GMDS: variants seen among roughly 807,000 people sequenced by gnomAD.
GMDS encodes GDP-mannose 4,6-dehydratase, also known as GDP-mannose 4,6 dehydratase.
Under a neutral mutation model 49.9 loss-of-function variants are expected in GMDS, and 20 were observed. The ratio of observed to expected loss-of-function variants is 0.40; its 90% CI spans 0.28 to 0.58. GMDS has a LOEUF of 0.58. GMDS is among the 20% of genes least tolerant of loss of function. The probability of loss-of-function intolerance (pLI) is 0.42; values close to 1 mark genes in which losing one functional copy is unlikely to be tolerated. For missense variants in GMDS, 362 were observed against 481.4 expected (o/e 0.75, Z 2.32); for synonymous variants, 177 against 178.6 (o/e 0.99, Z 0.07).
intron 1 of GMDS, among the ~76,000 whole-genome samples, chr6:2,170,337 A>C (rs1481537110): frequency 6.6e-6 from 1 of 152,244 alleles, no homozygotes; most frequent in African/African-American, 2.4e-5. Context: ...AAATAGAAGC[A>C]CAATTAGGCC....
At chr6:1,837,955 A>C (rs1311764084) in intron 7 of GMDS, among the ~76,000 whole-genome samples, 2 of 152,194 alleles carry the variant, frequency 1.3e-5, no homozygotes, top group African/African-American at 2.4e-5. Flanking sequence ...AAGTGCTCTG[A>C]AAGGCTTGAC....
intron 7 of GMDS, among the ~76,000 whole-genome samples, chr6:1,839,173 C>T (rs1429103634): frequency 1.3e-5 from 2 of 151,978 alleles, no homozygotes; most frequent in Non-Finnish European, 2.9e-5. Context: ...GTGAGCATGT[C>T]TACATTTGTT....
intron 4 of GMDS, among the ~76,000 whole-genome samples, chr6:2,006,272 A>C (rs995199331): frequency 2.6e-5 from 4 of 151,838 alleles, no homozygotes; most frequent in Admixed American, 2.6e-4. Flanking sequence ...CAATTAAAAA[A>C]AAAAAAATAG....
At chr6:1,865,173 T>C (rs1006197744) in intron 7 of GMDS, among the ~76,000 whole-genome samples, 2 of 152,234 alleles carry the variant, frequency 1.3e-5, no homozygotes, top group Non-Finnish European at 2.9e-5. Flanking sequence ...CTGTAAGAAA[T>C]ATTCCTCAAT....
At chr6:2,072,172 T>G (rs768801220) in intron 4 of GMDS, among the ~76,000 whole-genome samples, 7 of 152,152 alleles carry the variant, frequency 4.6e-5, no homozygotes, top group South Asian at 2.1e-4. Flanking sequence ...CTTTACACAG[T>G]AGGAAATGTA....
intron 1 of GMDS, among the ~76,000 whole-genome samples, chr6:2,125,020 T>C (rs1265990797): frequency 6.6e-6 from 1 of 152,168 alleles, no homozygotes; most frequent in African/African-American, 2.4e-5. Flanking sequence ...CAGAATCAGA[T>C]GGATTTGGGT....
intron 7 of GMDS, among the ~76,000 whole-genome samples, chr6:1,871,572 C>T (rs1758755130): frequency 1.3e-5 from 2 of 152,116 alleles, no homozygotes; most frequent in South Asian, 2.1e-4. Context: ...ACAGAAATTA[C>T]TTTTTTTCAT....
rs879479087 is a variant in GMDS, at chr6:2,075,250, AT to A, written c.345+40520del. ...CAGTATTGTCATGTTAATGCTATAA[AT>A]TTTTTTTTTTTACAGGAAAGTGGAT... On this transcript the variant is annotated intron_variant, in intron 4 of 10. Coordinates refer to ENST00000380815, the MANE Select transcript of GMDS (RefSeq NM_001500.4). Among the ~76,000 whole-genome samples, 778 of 147,242 alleles carry A rather than the reference AT, an allele frequency of 5.3e-3. 9 individuals are homozygous for A. The highest frequency in any genetic ancestry group is 0.014 in the East Asian group (74 of 5,104).
At chr6:1,763,972 C>T (rs1436675242) in intron 7 of GMDS, among the ~76,000 whole-genome samples, 2 of 152,124 alleles carry the variant, frequency 1.3e-5, no homozygotes, top group Admixed American at 1.3e-4. Context: ...GGCAGGCACC[C>T]CTGCTAGTTT....
At chr6:2,088,521 TAA>T (rs949326211) in intron 4 of GMDS, among the ~76,000 whole-genome samples, 19 of 152,320 alleles carry the variant, frequency 1.2e-4, no homozygotes, top group African/African-American at 4.6e-4. Context: ...CGAAATTCCT[TAA>T]GTCTTTGGGT....
chr6:2,225,472 G>C (rs1337407442), intron 1 of GMDS, among the ~76,000 whole-genome samples: 1 of 152,164 alleles, frequency 6.6e-6, no homozygotes, highest in African/African-American at 2.4e-5. Flanking sequence ...ATACCAAACT[G>C]CTCCCTAACT....
chr6:1,926,756 T>C (rs1399216832), intron 7 of GMDS, among the ~76,000 whole-genome samples: 1 of 152,222 alleles, frequency 6.6e-6, no homozygotes, highest in Non-Finnish European at 1.5e-5. Flanking sequence ...TACCAAGCTA[T>C]AAATTCTTAC....
intron 6 of GMDS, chr6:1,952,145 T>C: frequency 8.6e-6 from 2 of 233,006 alleles, no homozygotes; most frequent in Non-Finnish European, 1.4e-5. Context: ...AAAAGGGAGA[T>C]GAAAGAAGCT....
At chr6:1,721,131 C>A (rs970621242) in intron 9 of GMDS, among the ~76,000 whole-genome samples, 1 of 151,418 alleles carries the variant, frequency 6.6e-6, no homozygotes, top group East Asian at 2.0e-4. Flanking sequence ...ATAGAGCAAG[C>A]AATTATAGGC....
At chr6:1,670,360 G>GT (rs1223741664) in intron 9 of GMDS, among the ~76,000 whole-genome samples, 38 of 146,508 alleles carry the variant, frequency 2.6e-4, no homozygotes, top group African/African-American at 7.9e-4. Flanking sequence ...GTGTTTCTGG[G>GT]TTTTTTTTGG....
chr6:2,122,173 T>C (rs758852797), intron 2 of GMDS, among the ~76,000 whole-genome samples: 1 of 152,178 alleles, frequency 6.6e-6, no homozygotes, highest in Non-Finnish European at 1.5e-5. Context: ...CGTGTTCAAC[T>C]TCATCATATG....
At chr6:2,002,849 T>A (rs1581498216) in intron 4 of GMDS, among the ~76,000 whole-genome samples, 3 of 152,316 alleles carry the variant, frequency 2.0e-5, no homozygotes, top group Admixed American at 2.0e-4. Context: ...AGTATTCTTA[T>A]CTTCACAAAT....
intron 7 of GMDS, among the ~76,000 whole-genome samples, chr6:1,794,957 G>C (rs1272263286): frequency 1.3e-5 from 2 of 152,166 alleles, no homozygotes; most frequent in African/African-American, 4.8e-5. Flanking sequence ...AGGCTGAGGT[G>C]GGGTGGGTGA....
At chr6:1,652,417 A>AT (rs1491404976) in intron 9 of GMDS, among the ~76,000 whole-genome samples, 3 of 20,382 alleles carry the variant, frequency 1.5e-4, no homozygotes, top group African/African-American at 5.8e-4. Context: ...TATTATATAT[A>AT]ATATATATAT....
Sources: allele counts gnomAD v4.1 joint callset (sites outside exome capture counted in the v4.1 genomes callset), GRCh38; gene constraint gnomAD v4.1.1; transcripts MANE v1.5; gene names NCBI Gene and HGNC (gene_info 2026-07-23, HGNC 2026-07-21).